The following NIBAN1 variants were observed in gnomAD, a reference collection of about 807,000 sequenced individuals.
The protein encoded by NIBAN1 is protein Niban 1.
A neutral mutation model predicts 75.1 loss-of-function variants in NIBAN1; 81 were observed. That is an observed-to-expected ratio of 1.08 (90% CI 0.90 to 1.30). The LOEUF (loss-of-function observed/expected upper bound fraction) is 1.30. Among genes scored for constraint, NIBAN1 ranks in the 50% most tolerant of loss-of-function variants. The probability of loss-of-function intolerance (pLI) is 0.00; values close to 1 mark genes in which losing one functional copy is unlikely to be tolerated. For missense variants in NIBAN1, 1,133 were observed against 1,128.1 expected, an observed-to-expected ratio of 1.00 and a Z score of -0.06; for synonymous variants, 436 against 424.8, an observed-to-expected ratio of 1.03 and a Z score of -0.32.
intron 1 of NIBAN1, among the ~76,000 whole-genome samples, chr1:184,966,582 T>C (rs948445620): frequency 6.6e-6 from 1 of 152,180 alleles, no homozygotes; most frequent in South Asian, 2.1e-4. Flanking sequence ...GTGGTCATTT[T>C]TGGAGAAACA....
chr1:184,876,799 C>T (rs1015264339), intron 5 of NIBAN1, among the ~76,000 whole-genome samples: 4 of 152,108 alleles, frequency 2.6e-5, no homozygotes, highest in Non-Finnish European at 2.9e-5. Flanking sequence ...TTTACAGGCA[C>T]GCTCTGCCAA....
At position 184,969,732 on chromosome 1, in the gene NIBAN1, A is replaced by T. The variant is rs181350655; in HGVS notation, c.55+4570T>A. On this transcript the variant is annotated intron_variant, in intron 1 of 13. Transcript: ENST00000367511. ...TTAAAGAGAGAGACAAGGTCTTGTC[A>T]TGTTGCCCAGGCTGGTCTCAAACTT... 2.5e-3 allele frequency among the ~76,000 whole-genome samples: 368 copies of T among 149,740 alleles called. 2 individuals are homozygous for T. The highest frequency in any genetic ancestry group is 7.4e-3 in the African/African-American group (301 of 40,512).
chr1:184,967,930 G>A (rs1220479060), intron 1 of NIBAN1, among the ~76,000 whole-genome samples: 1 of 9,220 alleles, frequency 1.1e-4, no homozygotes, highest in East Asian at 1.0e-3. Context: ...ACGGCCGGGC[G>A]CGGTGGCTCA....
At chr1:184,863,065 C>T (rs1655858835) in intron 5 of NIBAN1, among the ~76,000 whole-genome samples, 1 of 152,112 alleles carries the variant, frequency 6.6e-6, no homozygotes, top group African/African-American at 2.4e-5. Flanking sequence ...ACATTACGTC[C>T]TCCTTAAAAG....
chr1:184,907,001 T>A (rs1657123182), intron 1 of NIBAN1, among the ~76,000 whole-genome samples: 1 of 152,224 alleles, frequency 6.6e-6, no homozygotes. Flanking sequence ...TCATCACAAC[T>A]ATGATACATT....
intron 1 of NIBAN1, among the ~76,000 whole-genome samples, chr1:184,921,623 A>C (rs234683): frequency 2.6e-5 from 4 of 152,206 alleles, no homozygotes; most frequent in African/African-American, 9.6e-5. Flanking sequence ...CTTAGAAAGC[A>C]CACAATATTT....
rs1322024756 is a variant in NIBAN1, at chr1:184,845,798, A to C, written c.602-13836T>G. On this transcript the variant is annotated intron_variant, in intron 5 of 13. Transcript: ENST00000367511. ...TGCGCGAGCCGAAGCAGGGCGAGGC[A>C]TTGCCTCACCTGGGAAGCGCAAGGG... Among the ~76,000 whole-genome samples, 3 of 84,504 alleles carry C rather than the reference A, an allele frequency of 3.6e-5. 1 individual carries two copies. Among genetic ancestry groups the C allele is most frequent in the Non-Finnish European group, 7.1e-5 (3 of 42,092 alleles). 55.4% of individuals were successfully genotyped at this position (84,504 alleles called of 152,430 possible).
intron 1 of NIBAN1, among the ~76,000 whole-genome samples, chr1:184,967,411 G>C (rs1309841953): frequency 2.6e-5 from 4 of 151,962 alleles, no homozygotes; most frequent in South Asian, 2.1e-4. Context: ...TTATTTCTTA[G>C]AGTTACCCAG....
chr1:184,933,864 G>T (rs1192082973), intron 1 of NIBAN1, among the ~76,000 whole-genome samples: 4 of 152,234 alleles, frequency 2.6e-5, no homozygotes, highest in African/African-American at 9.6e-5. Context: ...TAAGAAAGTT[G>T]TGTTCCAAGT....
intron 7 of NIBAN1, 105 bp downstream of exon 7, chr1:184,823,533 C>G (rs532583276): frequency 1.5e-6 from 2 of 1,344,700 alleles, no homozygotes; most frequent in Admixed American, 3.9e-5. Context: ...CATTTCTACA[C>G]CCAGGGAAGG....
rs1189986530 is a variant in NIBAN1 at position 184,794,528 on chromosome 1, G to C, written c.*449C>G. 3.9e-6 allele frequency: 1 copy of C among 256,732 alleles called. No individual in the cohort carries two copies. Among genetic ancestry groups the C allele is most frequent in the Non-Finnish European group, 7.6e-6 (1 of 131,078 alleles). 15.9% of individuals were successfully genotyped at this position (256,732 alleles called of 1,614,324 possible). A position where few individuals can be genotyped will look rare whatever the true frequency, so the allele number is the denominator to read the frequency against. ...GTGGACAAATGCCGAGTCCTTAAGA[G>C]ATGGTGAAGTAGGCATAGTAGATAG... On this transcript the variant is annotated 3_prime_UTR_variant, in exon 14 of 14. Coordinates refer to ENST00000367511, the MANE Select transcript of NIBAN1 (RefSeq NM_052966.4).
intron 9 of NIBAN1, among the ~76,000 whole-genome samples, chr1:184,809,352 A>G (rs1654300242): frequency 6.6e-6 from 1 of 152,210 alleles, no homozygotes; most frequent in African/African-American, 2.4e-5. Context: ...TTAAGCAGAC[A>G]GAAGAGGAAA....
chr1:184,831,996 A>T, intron 5 of NIBAN1, 34 bp from the exon 6 acceptor site: 1 of 1,498,580 alleles, frequency 6.7e-7, no homozygotes, highest in Non-Finnish European at 9.3e-7. Flanking sequence ...TCAGCAAGAT[A>T]AAACACTCTA....
chr1:184,794,611 G>T lies in NIBAN1; in HGVS notation c.*366C>A. Reference sequence around the variant, plus strand: ...TCAAACAAAATTAAAAAGCCTTAAAGTGCACAAGAAGATTGCACAATTGAA... The same window carrying T: ...TCAAACAAAATTAAAAAGCCTTAAATTGCACAAGAAGATTGCACAATTGAA... On this transcript the variant is annotated 3_prime_UTR_variant, in exon 14 of 14. Transcript: ENST00000367511. 2.8e-6 allele frequency: 1 copy of T among 351,572 alleles called. No homozygotes were observed. The highest frequency in any genetic ancestry group is 2.5e-5 in the South Asian group (1 of 40,248). 21.8% of individuals were successfully genotyped at this position (351,572 alleles called of 1,614,324 possible). A position where few individuals can be genotyped will look rare whatever the true frequency, so the allele number is the denominator to read the frequency against.
chr1:184,962,222 C>T (rs919633582), intron 1 of NIBAN1, among the ~76,000 whole-genome samples: 1 of 152,142 alleles, frequency 6.6e-6, no homozygotes, highest in Non-Finnish European at 1.5e-5. Context: ...TTAGCATATA[C>T]AAAAAGTTTG....
chr1:184,839,230 G>T (rs1484475102), intron 5 of NIBAN1, among the ~76,000 whole-genome samples: 3 of 152,108 alleles, frequency 2.0e-5, no homozygotes, highest in African/African-American at 7.2e-5. Flanking sequence ...CTAGCATGTG[G>T]TCAAGCAATG....
rs373378423 is a variant in NIBAN1, at chr1:184,894,197, C to G, written c.196G>C (p.Ala66Pro). The change falls in exon 3 of 14, where the codon GCG becomes CCG. Residue 66 changes from alanine (A) to proline (P), a missense_variant. By Grantham distance (27) the Ala-to-Pro change is conservative. Coordinates refer to ENST00000367511, the MANE Select transcript of NIBAN1 (RefSeq NM_052966.4). ...GCTTCATACAAAATAGTTCCAGGCG[C>G]CAATGGTGGCTTAAAGAAGATGAAT... Reference protein sequence around the residue: ...SQFLKTKPPLAPGTILYEAEL... With the variant: ...SQFLKTKPPLPPGTILYEAEL... The G allele has an allele frequency of 6.2e-6, 10 of 1,600,708 alleles. No homozygotes were observed. Among genetic ancestry groups the G allele is most frequent in the Non-Finnish European group, 8.5e-6 (10 of 1,175,648 alleles).
chr1:184,919,925 G>C (rs1049482938), intron 1 of NIBAN1, among the ~76,000 whole-genome samples: 4 of 151,860 alleles, frequency 2.6e-5, no homozygotes, highest in Non-Finnish European at 1.5e-5. Flanking sequence ...GGCTGGGGGA[G>C]GGGGAGGTGT....
intron 1 of NIBAN1, among the ~76,000 whole-genome samples, chr1:184,903,287 G>A (rs938062917): frequency 5.9e-5 from 9 of 152,156 alleles, no homozygotes; most frequent in Non-Finnish European, 1.0e-4. Flanking sequence ...AGCTTGTGCT[G>A]GGCATTGCGT....
Sources: allele counts gnomAD v4.1 joint callset (sites outside exome capture counted in the v4.1 genomes callset), GRCh38; gene constraint gnomAD v4.1.1; transcripts MANE v1.5; gene names NCBI Gene and HGNC (gene_info 2026-07-23, HGNC 2026-07-21).